Variants in RBFOX1 observed in about 807,000 individuals in gnomAD.
The protein encoded by RBFOX1 is RNA binding fox-1 homolog 1.
A neutral mutation model predicts 57.7 loss-of-function variants in RBFOX1; 8 were observed. The observed-to-expected ratio is 0.14, with a 90% CI of 0.08 to 0.25. The LOEUF is 0.25. Ranked by LOEUF, RBFOX1 falls within the 10% of genes least tolerant of loss-of-function variation. The pLI, the probability that RBFOX1 is intolerant of heterozygous loss-of-function variation, is 1.00. For missense variants in RBFOX1, 611 were observed against 548.5 expected (o/e 1.11, Z -1.14); for synonymous variants, 326 against 222.4 (o/e 1.47, Z -4.15).
At chr16:6,854,687 T>G (rs11641885) in intron 3 of RBFOX1, among the ~76,000 whole-genome samples, 2 of 148,676 alleles carry the variant, frequency 1.3e-5, no homozygotes, top group Non-Finnish European at 3.0e-5. Context: ...CTCCGCCTCC[T>G]GGGTTCAAGT....
chr16:6,950,490 C>G (rs1017027051), intron 3 of RBFOX1, among the ~76,000 whole-genome samples: 2 of 152,136 alleles, frequency 1.3e-5, no homozygotes, highest in African/African-American at 4.8e-5. Context: ...TGTTTGATGA[C>G]CTGAATTGGA....
rs574930940 is a variant in RBFOX1 at position 6,812,999 on chromosome 16, G to C, written c.-16+158349G>C. Among the ~76,000 whole-genome samples, 5 of 151,806 alleles carry C rather than the reference G, an allele frequency of 3.3e-5. No homozygotes were observed. The East Asian group carries it at 9.7e-4, about 29-fold the overall frequency. ...TTCCCTACTTCTCTCTTTTTTGTTA[G>C]ATTTTTAAATAAAACTTTATTTCAC... On this transcript the variant is annotated intron_variant, in intron 3 of 15. Transcript: ENST00000550418.
intron 4 of RBFOX1, among the ~76,000 whole-genome samples, chr16:7,081,780 G>T (rs1453435163): frequency 1.3e-5 from 2 of 152,134 alleles, no homozygotes; most frequent in Non-Finnish European, 2.9e-5. Context: ...TGGATGATTT[G>T]AACACCTGCC....
intron 3 of RBFOX1, among the ~76,000 whole-genome samples, chr16:6,696,859 T>C (rs1390989513): frequency 1.3e-5 from 2 of 152,220 alleles, no homozygotes; most frequent in African/African-American, 2.4e-5. Flanking sequence ...TACTGAGAAA[T>C]AGTATTTTGT....
At chr16:6,992,118 T>C (rs1217575769) in intron 3 of RBFOX1, among the ~76,000 whole-genome samples, 1 of 152,172 alleles carries the variant, frequency 6.6e-6, no homozygotes, top group Non-Finnish European at 1.5e-5. Context: ...TAGCTGTCTC[T>C]TCCTTTCCAG....
At chr16:7,113,894 T>A (rs2065312613) in intron 4 of RBFOX1, among the ~76,000 whole-genome samples, 2 of 152,174 alleles carry the variant, frequency 1.3e-5, no homozygotes, top group African/African-American at 4.8e-5. Flanking sequence ...CATCTCAGTG[T>A]GTGCATGGGT....
At chr16:7,331,091 AT>A in intron 4 of RBFOX1, among the ~76,000 whole-genome samples, 1 of 152,306 alleles carries the variant, frequency 6.6e-6, no homozygotes, top group African/African-American at 2.4e-5. Context: ...GCCTTAAATA[AT>A]TGAATTCTCT....
In RBFOX1 at chr16:6,616,593, A is replaced by C. The variant is rs964502395; in HGVS notation, c.-63-38010A>C. Among the ~76,000 whole-genome samples the C allele has an allele frequency of 3.3e-5, 5 of 152,162 alleles. No individual in the cohort carries two copies. The East Asian group carries it at 9.7e-4, about 29-fold the overall frequency. Reference sequence around the variant, plus strand: ...CAGGAGGCTGAGGCAGGAGAATAGCATGAACCTGGAGGCGGAGCTTGCAGT... The same window carrying C: ...CAGGAGGCTGAGGCAGGAGAATAGCCTGAACCTGGAGGCGGAGCTTGCAGT... On this transcript the variant is annotated intron_variant, in intron 2 of 15. Transcript: ENST00000550418.
rs570139393 is a variant in RBFOX1, at chr16:5,920,233, C to T, written c.351+52898C>T. ...ACAGGCCTGAGCCACCACACCCGGC[C>T]ATATTAGTACTTCCTTTCTGTAGAA... On this transcript the variant is annotated intron_variant, in intron 4 of 19. Coordinates refer to the RBFOX1 transcript ENST00000641259. Among the ~76,000 whole-genome samples the T allele has an allele frequency of 1.6e-4, 24 of 152,322 alleles. No individual in the cohort carries two copies. The Middle Eastern group carries it at 0.01, about 65-fold the overall frequency.
intron 4 of RBFOX1, among the ~76,000 whole-genome samples, chr16:7,149,732 C>T (rs549243416): frequency 1.3e-5 from 2 of 152,096 alleles, no homozygotes; most frequent in Admixed American, 6.5e-5. Context: ...CTTTCCTTCC[C>T]TCTCTACACC....
At chr16:6,571,564 G>A (rs532810606) in intron 2 of RBFOX1, among the ~76,000 whole-genome samples, 1 of 152,256 alleles carries the variant, frequency 6.6e-6, no homozygotes. Flanking sequence ...GAGAGGATTT[G>A]ATGGAGAACA....
chr16:6,068,563 G>A (rs549727940), intron 1 of RBFOX1, among the ~76,000 whole-genome samples: 1 of 152,146 alleles, frequency 6.6e-6, no homozygotes, highest in East Asian at 1.9e-4. Flanking sequence ...GTTTATTCGG[G>A]GTTTGAAGGG....
At chr16:6,714,513 A>G (rs1249722558) in intron 3 of RBFOX1, among the ~76,000 whole-genome samples, 1 of 152,066 alleles carries the variant, frequency 6.6e-6, no homozygotes, top group East Asian at 1.9e-4. Flanking sequence ...ACCCAAGGGC[A>G]GGGGGCCTGG....
At chr16:7,058,992 C>A (rs1303622725) in intron 4 of RBFOX1, among the ~76,000 whole-genome samples, 1 of 152,240 alleles carries the variant, frequency 6.6e-6, no homozygotes, top group Admixed American at 6.5e-5. Context: ...GGTTGTAGAG[C>A]AGATCTGCAT....
chr16:6,393,645 T>C (rs984647082), intron 2 of RBFOX1, among the ~76,000 whole-genome samples: 1 of 152,214 alleles, frequency 6.6e-6, no homozygotes, highest in Non-Finnish European at 1.5e-5. Context: ...CTCCCACTCA[T>C]TTCCTTCCAT....
At chr16:5,645,847 T>C (rs893614924) in intron 3 of RBFOX1, among the ~76,000 whole-genome samples, 1 of 152,136 alleles carries the variant, frequency 6.6e-6, no homozygotes, top group Non-Finnish European at 1.5e-5. Context: ...TTTAAAAAAA[T>C]TTCATAGACA....
At chr16:5,633,884 A>G (rs1310490972) in intron 3 of RBFOX1, among the ~76,000 whole-genome samples, 3 of 152,140 alleles carry the variant, frequency 2.0e-5, no homozygotes, top group East Asian at 1.9e-4. Flanking sequence ...AAGGAAATAC[A>G]TAGACAGTTC....
intron 1 of RBFOX1, among the ~76,000 whole-genome samples, chr16:5,295,368 G>T (rs1341602011): frequency 1.3e-5 from 2 of 152,178 alleles, no homozygotes; most frequent in South Asian, 4.1e-4. Flanking sequence ...CAATATTACT[G>T]CAAACTTTGT....
At chr16:7,391,005 C>G (rs2098002906) in intron 4 of RBFOX1, among the ~76,000 whole-genome samples, 1 of 152,178 alleles carries the variant, frequency 6.6e-6, no homozygotes. Flanking sequence ...GTCTTCCTTG[C>G]TGACCCTCGT....
Sources: allele counts gnomAD v4.1 joint callset (sites outside exome capture counted in the v4.1 genomes callset), GRCh38; gene constraint gnomAD v4.1.1; transcripts MANE v1.5; gene names NCBI Gene and HGNC (gene_info 2026-07-23, HGNC 2026-07-21).